The following BRINP1 variants were observed in gnomAD, a reference collection of about 807,000 sequenced individuals.
BRINP1 encodes BMP/retinoic acid-inducible neural-specific protein 1.
A neutral mutation model predicts 72.9 loss-of-function variants in BRINP1; 17 were observed. The observed-to-expected ratio is 0.23, with a 90% CI of 0.16 to 0.35. The LOEUF is 0.35. BRINP1 is among the 10% of genes least tolerant of loss of function. The probability of loss-of-function intolerance (pLI) is 1.00; values close to 1 mark genes in which losing one functional copy is unlikely to be tolerated. For synonymous variants in BRINP1, 418 were observed against 378.5 expected, an observed-to-expected ratio of 1.10 and a Z score of -1.21; for missense variants, 850 against 1,001.6, an observed-to-expected ratio of 0.85 and a Z score of 2.04.
At chr9:119,278,370 C>T (rs1032022589) in intron 2 of BRINP1, among the ~76,000 whole-genome samples, 30 of 152,208 alleles carry the variant, frequency 2.0e-4, no homozygotes, top group African/African-American at 6.3e-4. Context: ...GAGGCAGGGC[C>T]GCCTTGCTGA....
chr9:119,191,587 A>T (rs1171354852), intron 7 of BRINP1, among the ~76,000 whole-genome samples: 1 of 151,926 alleles, frequency 6.6e-6, no homozygotes, highest in Non-Finnish European at 1.5e-5. Flanking sequence ...TGCACTGAAA[A>T]CTACAAAACA....
At chr9:119,312,180 C>T (rs1831075559) in intron 2 of BRINP1, among the ~76,000 whole-genome samples, 1 of 152,210 alleles carries the variant, frequency 6.6e-6, no homozygotes, top group Non-Finnish European at 1.5e-5. Flanking sequence ...CTTTATAAAA[C>T]TGCATTACAG....
At chr9:119,315,291 C>T (rs1831114096) in intron 1 of BRINP1, among the ~76,000 whole-genome samples, 1 of 151,962 alleles carries the variant, frequency 6.6e-6, no homozygotes, top group Non-Finnish European at 1.5e-5. Flanking sequence ...CACTTTGTGT[C>T]TTGGTGTCAC....
At chr9:119,357,002 A>G (rs1403160018) in intron 1 of BRINP1, among the ~76,000 whole-genome samples, 1 of 152,184 alleles carries the variant, frequency 6.6e-6, no homozygotes, top group Admixed American at 6.5e-5. Context: ...TTATTTGATT[A>G]CTGGAGAACA....
intron 2 of BRINP1, among the ~76,000 whole-genome samples, chr9:119,275,857 C>T (rs1830651886): frequency 6.6e-6 from 1 of 152,062 alleles, no homozygotes; most frequent in African/African-American, 2.4e-5. Flanking sequence ...TCAGGTAACC[C>T]TGGATTCCTT....
At chr9:119,237,126 C>T (rs909582554) in intron 5 of BRINP1, among the ~76,000 whole-genome samples, 3 of 152,154 alleles carry the variant, frequency 2.0e-5, no homozygotes, top group Admixed American at 6.5e-5. Flanking sequence ...CCAACTTCCT[C>T]CCACTGACAT....
chr9:119,355,716 A>C (rs907361128), intron 1 of BRINP1, among the ~76,000 whole-genome samples: 3 of 148,602 alleles, frequency 2.0e-5, no homozygotes, highest in Non-Finnish European at 4.5e-5. Flanking sequence ...GCGACAGAGC[A>C]AGACTCCGTC....
intron 5 of BRINP1, among the ~76,000 whole-genome samples, chr9:119,232,538 A>T (rs1830158185): frequency 6.6e-6 from 1 of 152,136 alleles, no homozygotes; most frequent in African/African-American, 2.4e-5. Context: ...ATTATAAAGA[A>T]GTTTTTTTAT....
chr9:119,363,227 G>A (rs1043521151), intron 1 of BRINP1, among the ~76,000 whole-genome samples: 15 of 152,202 alleles, frequency 9.9e-5, no homozygotes, highest in South Asian at 6.2e-4. Context: ...CTCGGCCTAC[G>A]GAGCAGCTGG....
chr9:119,233,585 C>T (rs1830166548), intron 5 of BRINP1, among the ~76,000 whole-genome samples: 1 of 152,118 alleles, frequency 6.6e-6, no homozygotes, highest in African/African-American at 2.4e-5. Context: ...TATTCATGTT[C>T]TTTCTTTGCA....
At chr9:119,231,076 A>G (rs1830145149) in intron 5 of BRINP1, among the ~76,000 whole-genome samples, 1 of 152,126 alleles carries the variant, frequency 6.6e-6, no homozygotes, top group African/African-American at 2.4e-5. Flanking sequence ...TTTTATGTAT[A>G]CTAAGAAAAT....
At chr9:119,273,974 C>T (rs1830630443) in intron 2 of BRINP1, among the ~76,000 whole-genome samples, 1 of 152,114 alleles carries the variant, frequency 6.6e-6, no homozygotes, top group African/African-American at 2.4e-5. Context: ...TTTTCAGAAC[C>T]TGGCATAAGT....
intron 7 of BRINP1, among the ~76,000 whole-genome samples, chr9:119,184,535 A>G (rs895850656): frequency 2.0e-5 from 3 of 152,164 alleles, no homozygotes; most frequent in Admixed American, 6.5e-5. Flanking sequence ...ATACACACTC[A>G]GAATAAGTCT....
At chr9:119,350,527 C>T (rs1010173706) in intron 1 of BRINP1, among the ~76,000 whole-genome samples, 1 of 152,074 alleles carries the variant, frequency 6.6e-6, no homozygotes, top group African/African-American at 2.4e-5. Flanking sequence ...TGCTGGATGA[C>T]TCAGGTATCA....
intron 1 of BRINP1, among the ~76,000 whole-genome samples, chr9:119,327,865 T>C (rs1403223242): frequency 1.3e-5 from 2 of 151,972 alleles, no homozygotes; most frequent in African/African-American, 4.8e-5. Context: ...AGGTGTCCAT[T>C]GACATTCAAG....
chr9:119,261,985 A>G (rs1024335851), intron 2 of BRINP1, among the ~76,000 whole-genome samples: 4 of 151,910 alleles, frequency 2.6e-5, no homozygotes, highest in African/African-American at 9.7e-5. Flanking sequence ...ACAATATTGG[A>G]CATGTTTGAT....
At chr9:119,222,254 T>G (rs1830047967) in intron 5 of BRINP1, among the ~76,000 whole-genome samples, 1 of 152,080 alleles carries the variant, frequency 6.6e-6, no homozygotes, top group Non-Finnish European at 1.5e-5. Flanking sequence ...TCACTGAGAT[T>G]CAGGAATTGT....
chr9:119,300,981 T>G (rs2118983208), intron 2 of BRINP1, among the ~76,000 whole-genome samples: 1 of 152,354 alleles, frequency 6.6e-6, no homozygotes, highest in Admixed American at 6.5e-5. Context: ...ACTAAACAGG[T>G]TCCTTTGTGA....
chr9:119,282,728 G>A lies in BRINP1; in HGVS notation c.218+30410C>T, dbSNP rs1259234044. 18 of 917,418 alleles carry A rather than the reference G, an allele frequency of 2.0e-5. No individual in the cohort carries two copies. The South Asian group carries it at 7.6e-4, about 38-fold the overall frequency. 56.8% of individuals were successfully genotyped at this position (917,418 alleles called of 1,614,324 possible). A position where few individuals can be genotyped will look rare whatever the true frequency, so the allele number is the denominator to read the frequency against. On this transcript the variant is annotated intron_variant, in intron 2 of 7. Transcript: ENST00000265922. ...AAAGGGATTCTGGAAGGGGACTGGGGAACAAGAATGTTGTTCCTTTATTTT... is the reference window on the plus strand; with the variant it reads ...AAAGGGATTCTGGAAGGGGACTGGGAAACAAGAATGTTGTTCCTTTATTTT...
Sources: gnomAD v4.1 joint callset for allele counts (sites outside exome capture counted in the v4.1 genomes callset) on GRCh38, gnomAD v4.1.1 for gene constraint, MANE v1.5 for transcripts, NCBI Gene and HGNC (gene_info 2026-07-23, HGNC 2026-07-21) for gene names.